NCAM1: variants seen among roughly 807,000 people sequenced by gnomAD.
The protein encoded by NCAM1 is antigen recognized by monoclonal antibody 5.1H11.
NCAM1 carries 14 observed loss-of-function variants against 109.8 expected under a neutral mutation model. The ratio of observed to expected loss-of-function variants is 0.13; its 90% CI spans 0.08 to 0.20. The LOEUF is 0.20. NCAM1 is among the 10% of genes least tolerant of loss of function. NCAM1 has a pLI of 1.00. For missense variants in NCAM1, 774 were observed against 1,109.9 expected (o/e 0.70, Z 4.30); for synonymous variants, 418 against 442.9 (o/e 0.94, Z 0.70).
At chr11:113,103,020 G>A (rs1939943954) in intron 1 of NCAM1, among the ~76,000 whole-genome samples, 1 of 152,210 alleles carries the variant, frequency 6.6e-6, no homozygotes, top group African/African-American at 2.4e-5. Flanking sequence ...TAGGTAGAAG[G>A]TGCAGAGCAT....
At position 113,096,873 on chromosome 11, in the gene NCAM1, G is replaced by T. The variant is rs1442171587; in HGVS notation, c.53-105506G>T. ...CCCTCATGCTTTTTTTCCAGGTTCT[G>T]CTCACAATGCTGCCTCTACCTGGAG... is the stretch of plus-strand genomic sequence containing the variant. On this transcript the variant is annotated intron_variant, in intron 1 of 19. Coordinates refer to ENST00000316851, the MANE Select transcript of NCAM1 (RefSeq NM_181351.5). Among the ~76,000 whole-genome samples, 13 of 152,004 alleles carry T rather than the reference G, an allele frequency of 8.6e-5. No individual in the cohort carries two copies. The East Asian group carries it at 2.5e-3, about 29-fold the overall frequency.
chr11:113,042,988 T>C (rs1953131439), intron 1 of NCAM1, among the ~76,000 whole-genome samples: 1 of 152,224 alleles, frequency 6.6e-6, no homozygotes, highest in Admixed American at 6.5e-5. Flanking sequence ...ATCATTTGTA[T>C]TCTCAAATTC....
chr11:113,273,038 C>T lies in NCAM1; in HGVS notation c.2456+1162C>T. Reference sequence around the variant, plus strand: ...CCGAAACCTTTGCCACTGCTCAGAACAGCCCCACCAGTGAGACCACCACCC... The same window carrying T: ...CCGAAACCTTTGCCACTGCTCAGAATAGCCCCACCAGTGAGACCACCACCC... On this transcript the variant is annotated intron_variant, in intron 19 of 19. Coordinates refer to ENST00000316851, the MANE Select transcript of NCAM1 (RefSeq NM_181351.5). The surrounding 1 kb of genome is among the most constrained non-coding windows in gnomAD (Gnocchi z 6.0). 2.2e-6 allele frequency: 1 copy of T among 456,926 alleles called. No individual in the cohort carries two copies. The highest frequency in any genetic ancestry group is 4.4e-6 in the Non-Finnish European group (1 of 226,978). 28.3% of individuals were successfully genotyped at this position (456,926 alleles called of 1,614,324 possible).
At chr11:113,052,659 T>A (rs1423841900) in intron 1 of NCAM1, among the ~76,000 whole-genome samples, 2 of 152,156 alleles carry the variant, frequency 1.3e-5, no homozygotes, top group East Asian at 1.9e-4. Flanking sequence ...GTAAAAAAAA[T>A]TTTGTGAAGT....
intron 1 of NCAM1, among the ~76,000 whole-genome samples, chr11:113,045,109 C>G (rs546175778): frequency 6.6e-6 from 1 of 152,262 alleles, no homozygotes; most frequent in African/African-American, 2.4e-5. Context: ...CGAAAACATC[C>G]CCAGTTTTAG....
intron 1 of NCAM1, among the ~76,000 whole-genome samples, chr11:113,073,390 T>C (rs1210767218): frequency 6.6e-6 from 1 of 152,224 alleles, no homozygotes; most frequent in Admixed American, 6.5e-5. Flanking sequence ...GAGAGAGCTA[T>C]GTGTAGAAAA....
At chr11:113,144,894 T>C (rs1941959640) in intron 1 of NCAM1, among the ~76,000 whole-genome samples, 1 of 152,220 alleles carries the variant, frequency 6.6e-6, no homozygotes, top group African/African-American at 2.4e-5. Flanking sequence ...ACTGAGTCCT[T>C]GGCAATTTCA....
At chr11:113,140,495 A>T (rs1489713385) in intron 1 of NCAM1, among the ~76,000 whole-genome samples, 1 of 152,210 alleles carries the variant, frequency 6.6e-6, no homozygotes, top group Non-Finnish European at 1.5e-5. Flanking sequence ...GCTGCTGCAC[A>T]TAGTTACCTG....
intron 1 of NCAM1, among the ~76,000 whole-genome samples, chr11:112,969,153 G>C (rs1489213710): frequency 6.6e-6 from 1 of 152,128 alleles, no homozygotes; most frequent in Non-Finnish European, 1.5e-5. Flanking sequence ...AAGAAGGGGT[G>C]ATCTGGGCAG....
At chr11:113,183,932 T>G (rs1195817349) in intron 1 of NCAM1, among the ~76,000 whole-genome samples, 1 of 152,220 alleles carries the variant, frequency 6.6e-6, no homozygotes, top group Non-Finnish European at 1.5e-5. Context: ...TTTTCTTCTA[T>G]ATTTTCTACA....
At chr11:113,197,929 T>TAA (rs1555111147) in intron 1 of NCAM1, among the ~76,000 whole-genome samples, 1 of 152,224 alleles carries the variant, frequency 6.6e-6, no homozygotes, top group Admixed American at 6.5e-5. Context: ...TAAGACTTTA[T>TAA]AGCCTACTTC....
At chr11:113,161,923 T>C (rs1176532858) in intron 1 of NCAM1, among the ~76,000 whole-genome samples, 1 of 152,120 alleles carries the variant, frequency 6.6e-6, no homozygotes, top group Non-Finnish European at 1.5e-5. Flanking sequence ...GAACTGATTT[T>C]TTTTCCCCTG....
chr11:113,098,588 C>T (rs1555090884), intron 1 of NCAM1, among the ~76,000 whole-genome samples: 1 of 152,000 alleles, frequency 6.6e-6, no homozygotes, highest in Non-Finnish European at 1.5e-5. Context: ...GAAGAAACTA[C>T]AACAGGATAT....
chr11:113,242,201 A>C (rs1555119241), intron 14 of NCAM1, among the ~76,000 whole-genome samples: 3 of 152,260 alleles, frequency 2.0e-5, no homozygotes, highest in African/African-American at 7.2e-5. Context: ...ACTGCTCAGC[A>C]TTTAGCAGCT....
intron 9 of NCAM1, among the ~76,000 whole-genome samples, chr11:113,230,843 C>T (rs1288601982): frequency 3.3e-5 from 5 of 152,200 alleles, no homozygotes; most frequent in African/African-American, 1.2e-4. Context: ...GGGGAAATCC[C>T]CTTGGAAATA....
Position 113,052,799 on chromosome 11 carries a change from G to T in NCAM1, c.52+91135G>T, listed in dbSNP as rs142124979. Among the ~76,000 whole-genome samples the T allele has an allele frequency of 2.8e-3, 422 of 152,166 alleles. 3 individuals are homozygous for T. The highest frequency in any genetic ancestry group is 9.5e-3 in the African/African-American group (393 of 41,508). The stretch of plus-strand genomic sequence containing the variant: ...CTGCACCTATCAACTCATCGCCTAG[G>T]TATTAAGCCCAGCATGCACTAGCTA... On this transcript the variant is annotated intron_variant, in intron 1 of 19. Coordinates refer to ENST00000316851, the MANE Select transcript of NCAM1 (RefSeq NM_181351.5).
At chr11:113,143,857 G>T (rs758764959) in intron 1 of NCAM1, among the ~76,000 whole-genome samples, 1 of 152,168 alleles carries the variant, frequency 6.6e-6, no homozygotes, top group Non-Finnish European at 1.5e-5. Flanking sequence ...GTGTGTATTC[G>T]TTGCGCTGTG....
chr11:113,127,449 ATCGTACTATTACTGG>A lies in NCAM1; in HGVS notation c.53-74927_53-74913del, dbSNP rs1485848606. 2.6e-5 allele frequency among the ~76,000 whole-genome samples: 4 copies of A among 152,214 alleles called. No homozygotes were observed. The East Asian group carries it at 7.7e-4, about 29-fold the overall frequency. ...GGAAGCCATTTAAAATAAAGCTTGC[ATCGTACTATTACTGG>A]TCTAATTGCTCCTGTAAAAAGAAAG... On this transcript the variant is annotated intron_variant, in intron 1 of 19. Coordinates refer to ENST00000316851, the MANE Select transcript of NCAM1 (RefSeq NM_181351.5).
chr11:113,093,609 T>C (rs187299729), intron 1 of NCAM1, among the ~76,000 whole-genome samples: 11 of 152,260 alleles, frequency 7.2e-5, no homozygotes, highest in African/African-American at 2.6e-4. Context: ...CCTTTGAAAG[T>C]TTACGAACGC....
Sources: allele counts gnomAD v4.1 joint callset (sites outside exome capture counted in the v4.1 genomes callset), GRCh38; gene constraint gnomAD v4.1.1; non-coding constraint Gnocchi (gnomAD v3.1); transcripts MANE v1.5; gene names NCBI Gene and HGNC (gene_info 2026-07-23, HGNC 2026-07-21).